Variants in ABR observed in about 807,000 individuals in gnomAD.
The protein encoded by ABR is active breakpoint cluster region-related protein.
A neutral mutation model predicts 107.2 loss-of-function variants in ABR; 35 were observed. The observed-to-expected ratio is 0.33, with a 90% CI of 0.25 to 0.43. The LOEUF (loss-of-function observed/expected upper bound fraction) is 0.43, where lower values mean the gene tolerates loss of function less well. ABR is among the 20% of genes least tolerant of loss of function. The pLI, the probability that ABR is intolerant of heterozygous loss-of-function variation, is 1.00. For synonymous variants in ABR, 498 were observed against 462.0 expected (o/e 1.08, Z -1.00); for missense variants, 815 against 1,115.2 (o/e 0.73, Z 3.83).
chr17:1,104,468 C>T (rs1439072802), intron 2 of ABR, among the ~76,000 whole-genome samples: 1 of 152,178 alleles, frequency 6.6e-6, no homozygotes, highest in Non-Finnish European at 1.5e-5. Context: ...CGACTCAAGG[C>T]TATAGGGCAT....
chr17:1,212,525 CG>C (rs1364441162), intron 1 of ABR, among the ~76,000 whole-genome samples: 1 of 152,132 alleles, frequency 6.6e-6, no homozygotes, highest in Non-Finnish European at 1.5e-5. Flanking sequence ...GAGGCTGAGG[CG>C]GGCGGATCAT....
intron 10 of ABR, among the ~76,000 whole-genome samples, chr17:1,060,397 G>A (rs571909139): frequency 2.6e-5 from 4 of 152,022 alleles, no homozygotes; most frequent in Admixed American, 6.5e-5. Context: ...GTGACAGAGC[G>A]AGACTCTACC....
intron 16 of ABR, among the ~76,000 whole-genome samples, chr17:1,038,820 T>C (rs74507607): frequency 1.4e-3 from 217 of 152,350 alleles, no homozygotes; most frequent in African/African-American, 5.0e-3. Context: ...GCAACCCTTC[T>C]GTGGCATCCT....
chr17:1,114,495 G>A (rs560100674), intron 2 of ABR, among the ~76,000 whole-genome samples: 98 of 150,830 alleles, frequency 6.5e-4, no homozygotes, highest in African/African-American at 2.2e-3. Flanking sequence ...AATTATGGCC[G>A]GGCGCAGTGG....
intron 2 of ABR, among the ~76,000 whole-genome samples, chr17:1,115,610 A>G (rs2038946888): frequency 6.6e-6 from 1 of 152,248 alleles, no homozygotes; most frequent in African/African-American, 2.4e-5. Flanking sequence ...CTCCAAAATC[A>G]TATACATAGT....
chr17:1,166,726 G>A lies in ABR; in HGVS notation c.61+12941C>T, dbSNP rs188134908. Among the ~76,000 whole-genome samples the A allele has an allele frequency of 2.2e-3, 339 of 152,280 alleles. 3 individuals are homozygous for A. The highest frequency in any genetic ancestry group is 7.7e-3 in the African/African-American group (322 of 41,572). ...TAGAAATGCAGAATCCAGGCCGGGC[G>A]CAGGGGCTCACGCCTGTAATCCCAG... On this transcript the variant is annotated intron_variant, in intron 1 of 22. Transcript: ENST00000302538.
chr17:1,006,644 G>A (rs1050516286), intron 22 of ABR, among the ~76,000 whole-genome samples: 5 of 152,144 alleles, frequency 3.3e-5, no homozygotes, highest in African/African-American at 1.2e-4. Flanking sequence ...TGCCTCCCTG[G>A]TGACACCCCA....
intron 16 of ABR, among the ~76,000 whole-genome samples, chr17:1,044,541 C>T (rs540924388): frequency 4.5e-4 from 68 of 152,056 alleles, no homozygotes; most frequent in African/African-American, 1.6e-3. Context: ...ATCCCAGCTA[C>T]TCGGGAGGCT....
intron 2 of ABR, chr17:1,108,888 C>G: frequency 1.3e-6 from 2 of 1,536,862 alleles, no homozygotes; most frequent in Non-Finnish European, 1.7e-6. Context: ...CCTTCGGCAG[C>G]GCCGGCCCGG....
intron 1 of ABR, chr17:1,228,050 T>G (rs1427709585): frequency 6.6e-6 from 1 of 152,192 alleles, no homozygotes; most frequent in Non-Finnish European, 1.5e-5. Flanking sequence ...CAACGAGCAC[T>G]TAATCTTTCT....
chr17:1,044,205 G>C (rs541809269), intron 16 of ABR, among the ~76,000 whole-genome samples: 1 of 151,952 alleles, frequency 6.6e-6, no homozygotes, highest in Non-Finnish European at 1.5e-5. Flanking sequence ...GTGGAGGGGG[G>C]GCTCCCAGCT....
intron 16 of ABR, among the ~76,000 whole-genome samples, chr17:1,048,879 C>G (rs956188720): frequency 2.6e-5 from 4 of 152,212 alleles, no homozygotes; most frequent in African/African-American, 9.7e-5. Flanking sequence ...GCCCGAGGCT[C>G]AACCTCAGTA....
In ABR at chr17:1,148,645, T is replaced by C. The variant is rs1249239972; in HGVS notation, c.62-23278A>G. On this transcript the variant is annotated intron_variant, in intron 1 of 22. Transcript: ENST00000302538. This position sits in a 1 kb window ranked among gnomAD's most constrained non-coding sequence, Gnocchi z 4.9. ...CGTGAGCCCTGTCGTGATCTGCGCG[T>C]GCGAGGGATCGCAGTTCCATCCCGA... Among the ~76,000 whole-genome samples the C allele has an allele frequency of 6.6e-6, 1 of 152,192 alleles. No homozygotes were observed. Among genetic ancestry groups the C allele is most frequent in the Non-Finnish European group, 1.5e-5 (1 of 68,028 alleles).
intron 1 of ABR, among the ~76,000 whole-genome samples, chr17:1,146,034 C>T (rs1435593259): frequency 6.6e-6 from 1 of 152,196 alleles, no homozygotes; most frequent in African/African-American, 2.4e-5. Flanking sequence ...ACCTCCTTCT[C>T]CCCACTCCCA....
intron 16 of ABR, among the ~76,000 whole-genome samples, chr17:1,049,325 G>A (rs527477293): frequency 2.6e-5 from 4 of 151,906 alleles, no homozygotes; most frequent in Admixed American, 6.6e-5. Context: ...CCGCCACCAC[G>A]ACCTGCTAAT....
chr17:1,188,018 C>T (rs1367419171), upstream of ABR, among the ~76,000 whole-genome samples: 2 of 151,510 alleles, frequency 1.3e-5, no homozygotes, highest in Non-Finnish European at 2.9e-5. Flanking sequence ...GAGTTCCAGA[C>T]CAGCCTGGCT....
At chr17:1,035,874 C>T (rs564266751) in intron 16 of ABR, among the ~76,000 whole-genome samples, 1 of 151,024 alleles carries the variant, frequency 6.6e-6, no homozygotes, top group South Asian at 2.1e-4. Context: ...GGGGTCATGC[C>T]ACCCAGCACA....
intron 16 of ABR, among the ~76,000 whole-genome samples, chr17:1,025,971 C>G (rs2663336): frequency 0.76 from 115,637 of 152,150 alleles, 44,301 homozygotes; most frequent in Middle Eastern, 0.87. Flanking sequence ...CAGGACAGGG[C>G]TCAAGAAGCC....
At chr17:1,213,811 C>G (rs1039959534) in intron 1 of ABR, among the ~76,000 whole-genome samples, 2 of 152,190 alleles carry the variant, frequency 1.3e-5, no homozygotes, top group South Asian at 2.1e-4. Flanking sequence ...ATGACAGACT[C>G]TATGGTTCCA....
Sources: gnomAD v4.1 joint callset for allele counts (sites outside exome capture counted in the v4.1 genomes callset) on GRCh38, gnomAD v4.1.1 for gene constraint, Gnocchi (gnomAD v3.1) non-coding constraint, MANE v1.5 for transcripts, NCBI Gene and HGNC (gene_info 2026-07-23, HGNC 2026-07-21) for gene names.